Variants in LIMS1 observed in about 807,000 individuals in gnomAD.
LIMS1 encodes the protein LIM and senescent cell antigen-like-containing domain protein 1.
Under a neutral mutation model 44.1 loss-of-function variants are expected in LIMS1, and 18 were observed. The ratio of observed to expected loss-of-function variants is 0.41; its 90% CI spans 0.28 to 0.61. The LOEUF (loss-of-function observed/expected upper bound fraction) is 0.61, where lower values mean the gene tolerates loss of function less well. LIMS1 is among the 20% of genes least tolerant of loss of function. The probability of loss-of-function intolerance (pLI) is 0.32; values close to 1 mark genes in which losing one functional copy is unlikely to be tolerated. For synonymous variants in LIMS1, 93 were observed against 149.1 expected (o/e 0.62, Z 2.74); for missense variants, 201 against 422.0 (o/e 0.48, Z 4.59).
At chr2:108,597,168 A>G (rs1276177638) in intron 1 of LIMS1, among the ~76,000 whole-genome samples, 1 of 151,854 alleles carries the variant, frequency 6.6e-6, no homozygotes, top group African/African-American at 2.4e-5. Flanking sequence ...CTCAGCCTCC[A>G]AAAGTGCTGA....
chr2:108,537,066 TAAAGG>T (rs1206548151), intron 1 of LIMS1, among the ~76,000 whole-genome samples: 2 of 152,146 alleles, frequency 1.3e-5, no homozygotes, highest in Non-Finnish European at 2.9e-5. Context: ...TGTGAGTACA[TAAAGG>T]TAAAGAATTC....
At chr2:108,535,456 C>T (rs1400376070) in intron 1 of LIMS1, among the ~76,000 whole-genome samples, 2 of 152,172 alleles carry the variant, frequency 1.3e-5, no homozygotes. Flanking sequence ...AAGCTCCTGT[C>T]AGTGGCCTTT....
chr2:108,593,602 C>T (rs1483324368), intron 1 of LIMS1, among the ~76,000 whole-genome samples: 1 of 152,122 alleles, frequency 6.6e-6, no homozygotes, highest in Non-Finnish European at 1.5e-5. Context: ...CTGTATAATA[C>T]TAAAAAATGC....
At chr2:108,645,093 A>G (rs1573538922) in intron 1 of LIMS1, among the ~76,000 whole-genome samples, 2 of 152,300 alleles carry the variant, frequency 1.3e-5, no homozygotes, top group African/African-American at 4.8e-5. Flanking sequence ...ATTATCTAGG[A>G]GAACTTCCCC....
intron 1 of LIMS1, among the ~76,000 whole-genome samples, chr2:108,615,986 C>A (rs1023185400): frequency 6.6e-6 from 1 of 152,144 alleles, no homozygotes; most frequent in Non-Finnish European, 1.5e-5. Flanking sequence ...ACCTTGTACT[C>A]TCCCTTGGCC....
Position 108,593,261 on chromosome 2 carries a change from C to G in LIMS1, c.32+58667C>G, listed in dbSNP as rs143366499. Reference sequence around the variant, plus strand: ...TTCTCTACTTCCAAACATATCTAAACCTTATCCAAGCCTCCCACTGTGTGA... The same window carrying G: ...TTCTCTACTTCCAAACATATCTAAAGCTTATCCAAGCCTCCCACTGTGTGA... On this transcript the variant is annotated intron_variant, in intron 1 of 9. Coordinates refer to ENST00000544547, the Ensembl canonical transcript of LIMS1. 4.7e-4 allele frequency among the ~76,000 whole-genome samples: 71 copies of G among 152,322 alleles called. 1 individual carries two copies. The East Asian group carries it at 8.9e-3, about 19-fold the overall frequency.
At chr2:108,668,870 TAA>T (rs1159001406) in intron 2 of LIMS1, among the ~76,000 whole-genome samples, 11 of 152,242 alleles carry the variant, frequency 7.2e-5, no homozygotes, top group African/African-American at 2.2e-4. Context: ...CTGCACATTA[TAA>T]TGTAGTATGG....
At chr2:108,661,090 G>A (rs1471865887) in intron 2 of LIMS1, among the ~76,000 whole-genome samples, 2 of 136,992 alleles carry the variant, frequency 1.5e-5, no homozygotes, top group South Asian at 2.6e-4. Flanking sequence ...ACAAACATGA[G>A]AGTGGGGTTC....
chr2:108,564,884 C>A (rs1223728456), intron 1 of LIMS1, among the ~76,000 whole-genome samples: 1 of 151,594 alleles, frequency 6.6e-6, no homozygotes, highest in South Asian at 2.1e-4. Flanking sequence ...CTATTATAAA[C>A]GTCCAAAATA....
rs565295632 is a variant in LIMS1 at position 108,639,254 on chromosome 2, G to A, written c.33-20351G>A. Among the ~76,000 whole-genome samples, 3 of 152,254 alleles carry A rather than the reference G, an allele frequency of 2.0e-5. No individual in the cohort carries two copies. In the East Asian group the frequency reaches 5.8e-4, roughly 29 times the overall value. Reference sequence around the variant, plus strand: ...TGGAGAAGATCTTGAGCAGGTACTTGAGGACTGGGCAGGTTTCTGATAAGC... The same window carrying A: ...TGGAGAAGATCTTGAGCAGGTACTTAAGGACTGGGCAGGTTTCTGATAAGC... On this transcript the variant is annotated intron_variant, in intron 1 of 9. Transcript: ENST00000544547.
chr2:108,588,762 A>G (rs1157921029), intron 1 of LIMS1: 1 of 261,354 alleles, frequency 3.8e-6, no homozygotes, highest in Non-Finnish European at 6.0e-6. Context: ...ACCTTCAGCC[A>G]TGCTGATTAA....
At chr2:108,564,697 C>T (rs555354620) in intron 1 of LIMS1, among the ~76,000 whole-genome samples, 3 of 152,062 alleles carry the variant, frequency 2.0e-5, no homozygotes, top group South Asian at 2.1e-4. Flanking sequence ...GCACGTCATA[C>T]GATTTAGTAT....
chr2:108,561,854 T>G lies in LIMS1; in HGVS notation c.32+27260T>G, dbSNP rs192944000. ...GCCTCCCGGGTTCAAGCAACTCTCA[T>G]GCCTCAGCCTCCTGAGTAGCTGGGA... is the stretch of plus-strand genomic sequence containing the variant. On this transcript the variant is annotated intron_variant, in intron 1 of 9. Coordinates refer to ENST00000544547, the Ensembl canonical transcript of LIMS1. 5.3e-5 allele frequency among the ~76,000 whole-genome samples: 8 copies of G among 151,246 alleles called. No homozygotes were observed. In the East Asian group the frequency reaches 1.6e-3, roughly 30 times the overall value.
At chr2:108,579,788 CAG>C in intron 1 of LIMS1, among the ~76,000 whole-genome samples, 1 of 152,374 alleles carries the variant, frequency 6.6e-6, no homozygotes, top group African/African-American at 2.4e-5. Flanking sequence ...CTAAAGGACA[CAG>C]GCAAATTCCT....
rs1274569654 is a variant in LIMS1, at chr2:108,674,676, G to A, written c.531-1202G>A. ...GTGGAGCTTGCAGTGAGTGTGGATC[G>A]CGCCACTGCACTCCAGCCTGGGCAG... On this transcript the variant is annotated intron_variant, in intron 5 of 9. Coordinates refer to ENST00000544547, the Ensembl canonical transcript of LIMS1. Among the ~76,000 whole-genome samples the A allele has an allele frequency of 3.4e-5, 4 of 118,218 alleles. 1 individual carries two copies. Among genetic ancestry groups the A allele is most frequent in the Non-Finnish European group, 5.2e-5 (3 of 58,170 alleles). The allele number at this position is 118,218 out of a possible 152,430, so 77.6% of individuals were successfully genotyped here. A position where few individuals can be genotyped will look rare whatever the true frequency, so the allele number is the denominator to read the frequency against.
chr2:108,553,195 T>G (rs766489355), intron 1 of LIMS1, among the ~76,000 whole-genome samples: 1 of 152,210 alleles, frequency 6.6e-6, no homozygotes, highest in African/African-American at 2.4e-5. Flanking sequence ...TTTGTAGGGT[T>G]CAAGGTTTCC....
intron 1 of LIMS1, among the ~76,000 whole-genome samples, chr2:108,544,279 G>A (rs1684413096): frequency 6.6e-6 from 1 of 152,096 alleles, no homozygotes; most frequent in Admixed American, 6.6e-5. Flanking sequence ...CAAGAATCAG[G>A]GAGAACAGTG....
rs2104560103 is a variant in LIMS1, at chr2:108,536,170, T to C, written c.32+1576T>C. On this transcript the variant is annotated intron_variant, in intron 1 of 9. Transcript: ENST00000544547. ...CAGTGTCTCTCCGCATCCTATCCCC[T>C]TCCCATCCTGAATTTACCATTAGTA... is the stretch of plus-strand genomic sequence containing the variant. 2.0e-5 allele frequency among the ~76,000 whole-genome samples: 3 copies of C among 152,348 alleles called. 1 individual carries two copies. The East Asian group carries it at 5.8e-4, about 29-fold the overall frequency.
chr2:108,538,552 G>T (rs370200473), intron 1 of LIMS1, among the ~76,000 whole-genome samples: 5 of 152,278 alleles, frequency 3.3e-5, no homozygotes, highest in South Asian at 4.1e-4. Context: ...CAGGAATCCA[G>T]GGCTTTCAGG....
Sources: gnomAD v4.1 joint callset for allele counts (sites outside exome capture counted in the v4.1 genomes callset) on GRCh38, gnomAD v4.1.1 for gene constraint, MANE v1.5 for transcripts, NCBI Gene and HGNC (gene_info 2026-07-23, HGNC 2026-07-21) for gene names.